Variants in ANK1 observed in about 807,000 individuals in gnomAD.
ANK1 encodes the protein ankyrin 1.
ANK1 carries 51 observed loss-of-function variants against 210.4 expected under a neutral mutation model. The observed-to-expected ratio is 0.24, with a 90% CI of 0.19 to 0.31. ANK1 has a LOEUF of 0.31. Among genes scored for constraint, ANK1 ranks in the 10% least tolerant of loss-of-function variants. The probability of loss-of-function intolerance (pLI) is 1.00; values close to 1 mark genes in which losing one functional copy is unlikely to be tolerated. For synonymous variants in ANK1, 967 were observed against 1,025.9 expected (o/e 0.94, Z 1.10); for missense variants, 2,051 against 2,504.4 (o/e 0.82, Z 3.86).
intron 16 of ANK1, among the ~76,000 whole-genome samples, chr8:41,712,244 T>G (rs1252483621): frequency 1.3e-5 from 2 of 152,164 alleles, no homozygotes; most frequent in Non-Finnish European, 2.9e-5. Flanking sequence ...CATCTTTTAA[T>G]GTACAAGGGT....
At chr8:41,784,919 C>A (rs955536689) in intron 1 of ANK1, among the ~76,000 whole-genome samples, 8 of 152,236 alleles carry the variant, frequency 5.3e-5, no homozygotes, top group African/African-American at 1.9e-4. Context: ...AAAGATGGGC[C>A]TTCCCCAGGT....
At chr8:41,879,534 C>T (rs1043388626) in intron 1 of ANK1, among the ~76,000 whole-genome samples, 1 of 152,148 alleles carries the variant, frequency 6.6e-6, no homozygotes. Flanking sequence ...GAGTGCAATG[C>T]CAGAGAGATG....
chr8:41,834,205 T>C (rs1807196325), intron 1 of ANK1, among the ~76,000 whole-genome samples: 1 of 152,196 alleles, frequency 6.6e-6, no homozygotes, highest in South Asian at 2.1e-4. Context: ...TTCAGGAGGC[T>C]GTCCAGGCTC....
chr8:41,794,630 G>A lies in ANK1; in HGVS notation c.27+2882C>T, dbSNP rs1189082039. On this transcript the variant is annotated intron_variant, in intron 1 of 42. Coordinates refer to ENST00000289734, the MANE Select transcript of ANK1 (RefSeq NM_000037.4). The stretch of plus-strand genomic sequence containing the variant: ...AGAGTTTTTGTCAGTTTTATTCACT[G>A]CTATATTCCCGGTGCCCCAACAGGA... 2.0e-5 allele frequency among the ~76,000 whole-genome samples: 3 copies of A among 152,194 alleles called. 1 individual carries two copies. The highest frequency in any genetic ancestry group is 6.3e-3 in the Middle Eastern group (2 of 316).
intron 1 of ANK1, among the ~76,000 whole-genome samples, chr8:41,872,776 C>A (rs1437562709): frequency 1.3e-5 from 2 of 152,208 alleles, no homozygotes; most frequent in East Asian, 1.9e-4. Context: ...CTGCCCAGGT[C>A]TCTCCCTGGA....
intron 1 of ANK1, among the ~76,000 whole-genome samples, chr8:41,776,455 T>C (rs1844064472): frequency 1.3e-5 from 2 of 152,048 alleles, no homozygotes; most frequent in Non-Finnish European, 2.9e-5. Flanking sequence ...ATTACAACAG[T>C]AACATCGTCA....
At chr8:41,797,938 C>T (rs1417822372), upstream of ANK1, among the ~76,000 whole-genome samples, 4 of 151,882 alleles carry the variant, frequency 2.6e-5, no homozygotes, top group Non-Finnish European at 4.4e-5. The surrounding 1 kb of genome is among the most constrained non-coding windows in gnomAD (Gnocchi z 4.0). Context: ...GGCAGGGCAT[C>T]TCCTCTTCTG....
In ANK1 at chr8:41,686,287, C is replaced by A. The variant is rs1303023328; in HGVS notation, c.4259-4G>T. 2 of 1,613,438 alleles carry A rather than the reference C, an allele frequency of 1.2e-6. No homozygotes were observed. Among genetic ancestry groups the A allele is most frequent in the South Asian group, 2.2e-5 (2 of 91,050 alleles). On this transcript the variant is annotated splice_polypyrimidine_tract_variant and splice_region_variant and intron_variant, in intron 35 of 42. Coordinates refer to ENST00000289734, the MANE Select transcript of ANK1 (RefSeq NM_000037.4). ...AACTGCAGCTCCCGGGCCAACTCTG[C>A]AAGCAAAGAACCAACAGCAGATGTG...
rs1832000040 is a variant in ANK1, at chr8:41,730,758, C to A, written c.229-2752G>T. Among the ~76,000 whole-genome samples the A allele has an allele frequency of 2.6e-5, 4 of 152,356 alleles. No individual in the cohort carries two copies. The South Asian group carries it at 8.3e-4, about 32-fold the overall frequency. On this transcript the variant is annotated intron_variant, in intron 3 of 42. Coordinates refer to ENST00000289734, the MANE Select transcript of ANK1 (RefSeq NM_000037.4). ...TTTCTAGACACCAGGACGCTGAGCTCCAAGTGGCATCTTCTGGGCTCCCAT... is the reference window on the plus strand; with the variant it reads ...TTTCTAGACACCAGGACGCTGAGCTACAAGTGGCATCTTCTGGGCTCCCAT...
chr8:41,748,646 A>G (rs1321076687), intron 2 of ANK1, among the ~76,000 whole-genome samples: 3 of 152,320 alleles, frequency 2.0e-5, no homozygotes, highest in African/African-American at 7.2e-5. Context: ...CAAGCCAGCC[A>G]CTACCCTTAG....
At chr8:41,706,014 C>A in intron 18 of ANK1, 129 bp downstream of exon 18, 1 of 915,982 alleles carries the variant, frequency 1.1e-6, no homozygotes, top group Non-Finnish European at 1.8e-6. Context: ...AACTCCACTG[C>A]CAGCCCTAGG....
chr8:41,768,372 C>T (rs1196313761), intron 1 of ANK1, among the ~76,000 whole-genome samples: 4 of 152,228 alleles, frequency 2.6e-5, no homozygotes, highest in Non-Finnish European at 5.9e-5. Context: ...CTTTTCCTCT[C>T]CCGCTGTCCC....
At chr8:41,758,159 G>A (rs369255219) in intron 1 of ANK1, 22 bp from the exon 2 acceptor site, 36 of 1,601,290 alleles carry the variant, frequency 2.2e-5, no homozygotes, top group Non-Finnish European at 2.7e-5. Flanking sequence ...AACAACAGGC[G>A]GTGAGTGTCC....
intron 1 of ANK1, among the ~76,000 whole-genome samples, chr8:41,825,627 G>C (rs1018752646): frequency 6.6e-6 from 1 of 152,212 alleles, no homozygotes. Flanking sequence ...ACTGCACAGC[G>C]TGGTGGGATT....
chr8:41,690,621 T>C, intron 31 of ANK1, 22 bp from the exon 32 acceptor site: 1 of 1,608,826 alleles, frequency 6.2e-7, no homozygotes, highest in Non-Finnish European at 8.5e-7. Context: ...GAAAAGCAGA[T>C]ACAGCTTGTC....
At chr8:41,661,981 G>A (rs775235580) in intron 40 of ANK1, 40 bp from the exon 41 acceptor site, 30 of 1,604,418 alleles carry the variant, frequency 1.9e-5, no homozygotes, top group Admixed American at 5.0e-5. Context: ...TGGTCAGGCC[G>A]GGCTCGGGGG....
rs561281385 is a variant in ANK1, at chr8:41,654,260, A to G, written c.*1530T>C. The G allele has an allele frequency of 6.5e-6, 1 of 152,790 alleles. No individual in the cohort carries two copies. Among genetic ancestry groups the G allele is most frequent in the African/African-American group, 2.4e-5 (1 of 41,564 alleles). 9.5% of individuals were successfully genotyped at this position (152,790 alleles called of 1,614,324 possible). ...GAACTTAAGGCTCCTCCCTGATGGC[A>G]CCGAGGCGAGGAACTGCCAGCTGTC... On this transcript the variant is annotated 3_prime_UTR_variant, in exon 43 of 43. Coordinates refer to ENST00000289734, the MANE Select transcript of ANK1 (RefSeq NM_000037.4).
At chr8:41,743,918 G>T (rs1224208623) in intron 2 of ANK1, among the ~76,000 whole-genome samples, 2 of 152,194 alleles carry the variant, frequency 1.3e-5, no homozygotes, top group Admixed American at 1.3e-4. Context: ...CTCATCGGGG[G>T]CTGGACCCTG....
intron 22 of ANK1, among the ~76,000 whole-genome samples, chr8:41,700,663 C>T (rs966323712): frequency 6.6e-6 from 1 of 152,188 alleles, no homozygotes; most frequent in Non-Finnish European, 1.5e-5. Flanking sequence ...GATCCTACTA[C>T]TCAACATCCC....
Sources: gnomAD v4.1 joint callset for allele counts (sites outside exome capture counted in the v4.1 genomes callset) on GRCh38, gnomAD v4.1.1 for gene constraint, Gnocchi (gnomAD v3.1) non-coding constraint, MANE v1.5 for transcripts, NCBI Gene and HGNC (gene_info 2026-07-23, HGNC 2026-07-21) for gene names.